Variants in FOXP1 observed in about 807,000 individuals in gnomAD.
The protein encoded by FOXP1 is forkhead box protein P1.
Under a neutral mutation model 98.2 loss-of-function variants are expected in FOXP1, and 15 were observed. The ratio of observed to expected loss-of-function variants is 0.15; its 90% confidence interval spans 0.10 to 0.24. FOXP1 has a LOEUF of 0.24. FOXP1 is among the 10% of genes least tolerant of loss of function. The pLI is 1.00. For missense variants in FOXP1, 633 were observed against 848.5 expected (o/e 0.75, Z 3.15); for synonymous variants, 371 against 314.5 (o/e 1.18, Z -1.90).
chr3:71,038,661 C>CTT (rs768412342), intron 11 of FOXP1, among the ~76,000 whole-genome samples: 7 of 140,710 alleles, frequency 5.0e-5, no homozygotes, highest in Middle Eastern at 3.8e-3. Flanking sequence ...CTAATCATTG[C>CTT]TTTTTTTTTT....
At chr3:71,449,417 G>A (rs2086736202) in intron 3 of FOXP1, among the ~76,000 whole-genome samples, 1 of 152,148 alleles carries the variant, frequency 6.6e-6, no homozygotes, top group Non-Finnish European at 1.5e-5. Flanking sequence ...GTGTGTGTGT[G>A]GCAGTAACCT....
intron 3 of FOXP1, among the ~76,000 whole-genome samples, chr3:71,439,823 G>A (rs2085736870): frequency 6.6e-6 from 1 of 152,050 alleles, no homozygotes; most frequent in Non-Finnish European, 1.5e-5. Flanking sequence ...GTGCACGCCT[G>A]TAATCCCAGC....
At chr3:71,346,299 A>G (rs1300435337) in intron 4 of FOXP1, among the ~76,000 whole-genome samples, 2 of 152,210 alleles carry the variant, frequency 1.3e-5, no homozygotes, top group Non-Finnish European at 2.9e-5. Context: ...AGGTTGTGTG[A>G]CTGGAGCCAT....
intron 5 of FOXP1, among the ~76,000 whole-genome samples, chr3:71,246,888 T>C (rs1480701351): frequency 6.6e-6 from 1 of 152,218 alleles, no homozygotes; most frequent in Admixed American, 6.5e-5. Context: ...TACGCTCAAA[T>C]AAATTAGCCA....
At chr3:71,261,889 T>C (rs1256248160) in intron 5 of FOXP1, among the ~76,000 whole-genome samples, 1 of 152,196 alleles carries the variant, frequency 6.6e-6, no homozygotes, top group African/African-American at 2.4e-5. Flanking sequence ...CTTGGAAATA[T>C]ACTTTTGGAA....
rs71104433 is a variant in FOXP1 at position 71,262,264 on chromosome 3, C to CAAAAAAA, written c.-12+37549_-12+37555dup. 1.3e-3 allele frequency among the ~76,000 whole-genome samples: 34 copies of CAAAAAAA among 25,718 alleles called. 2 individuals are homozygous for CAAAAAAA. The highest frequency in any genetic ancestry group is 3.1e-3 in the African/African-American group (23 of 7,426). 16.9% of individuals were successfully genotyped at this position (25,718 alleles called of 152,430 possible). A position where few individuals can be genotyped will look rare whatever the true frequency, so the allele number is the denominator to read the frequency against. ...CTGGCAACAGGACAAGACTCTGTCA[C>CAAAAAAA]AAAAAAAAAAAAAAAAAAAAAAAAA... On this transcript the variant is annotated intron_variant, in intron 5 of 20. Coordinates refer to ENST00000649528, the MANE Select transcript of FOXP1 (RefSeq NM_001349338.3).
rs1399900600 is a variant in FOXP1, at chr3:71,106,823, G to C, written c.282+5713C>G. ...GGATCTTGCTCTGTTTCCCAGGCTG[G>C]AATGCGGTGGCACCATCATGGCTCA... On this transcript the variant is annotated intron_variant, in intron 7 of 20. Transcript: ENST00000649528. Among the ~76,000 whole-genome samples, 8 of 149,578 alleles carry C rather than the reference G, an allele frequency of 5.3e-5. No homozygotes were observed. In the Admixed American group the frequency reaches 5.4e-4, roughly 10 times the overall value.
intron 7 of FOXP1, among the ~76,000 whole-genome samples, chr3:71,090,413 A>G (rs934535569): frequency 3.3e-5 from 5 of 152,184 alleles, no homozygotes; most frequent in Admixed American, 1.3e-4. Flanking sequence ...TGCAGGTGTG[A>G]GGAGAACCAC....
At chr3:71,169,216 C>A (rs1432411929) in intron 6 of FOXP1, among the ~76,000 whole-genome samples, 1 of 152,166 alleles carries the variant, frequency 6.6e-6, no homozygotes. Context: ...GTCAGCTGCA[C>A]TCTTGCTAAC....
chr3:71,488,862 G>C (rs1186978931), intron 3 of FOXP1, among the ~76,000 whole-genome samples: 1 of 152,202 alleles, frequency 6.6e-6, no homozygotes, highest in Non-Finnish European at 1.5e-5. Flanking sequence ...ATTGTGTTAT[G>C]AAAGAGACCA....
intron 3 of FOXP1, among the ~76,000 whole-genome samples, chr3:71,383,633 G>GA (rs2080345705): frequency 6.6e-6 from 1 of 151,950 alleles, no homozygotes. Flanking sequence ...AGTGGAGGGA[G>GA]AAAAAGCAGG....
intron 5 of FOXP1, among the ~76,000 whole-genome samples, chr3:71,215,271 G>A (rs1038257257): frequency 3.9e-5 from 6 of 152,136 alleles, no homozygotes; most frequent in Non-Finnish European, 8.8e-5. Context: ...GTCCTTCTAA[G>A]CAATATTTAT....
chr3:71,471,404 G>A (rs2089333667), intron 3 of FOXP1, among the ~76,000 whole-genome samples: 1 of 151,898 alleles, frequency 6.6e-6, no homozygotes, highest in African/African-American at 2.4e-5. Flanking sequence ...TTTGTCAATG[G>A]GAATATTAGG....
chr3:71,016,994 AT>A (rs2044592463), intron 11 of FOXP1, among the ~76,000 whole-genome samples: 1 of 152,118 alleles, frequency 6.6e-6, no homozygotes, highest in Non-Finnish European at 1.5e-5. Context: ...ACCACAGAAA[AT>A]AGGTCTTAGA....
rs1372445511 is a variant in FOXP1 at position 71,396,955 on chromosome 3, T to C, written c.-167-37711A>G. 9.1e-4 allele frequency among the ~76,000 whole-genome samples: 47 copies of C among 51,912 alleles called. 2 individuals carry two copies. Among genetic ancestry groups the C allele is most frequent in the African/African-American group, 3.5e-3 (44 of 12,696 alleles). 34.1% of individuals were successfully genotyped at this position (51,912 alleles called of 152,430 possible). On this transcript the variant is annotated intron_variant, in intron 3 of 20. Coordinates refer to ENST00000649528, the MANE Select transcript of FOXP1 (RefSeq NM_001349338.3). ...ATATACACATATATATATGTGTATA[T>C]ATATATATGTGTGTATATATATATA...
In FOXP1 at chr3:71,339,015, CT is replaced by C. The variant is rs1418827057; in HGVS notation, c.-73+20134del. Among the ~76,000 whole-genome samples the C allele has an allele frequency of 7.9e-5, 12 of 152,318 alleles. No individual in the cohort carries two copies. The East Asian group carries it at 2.1e-3, about 27-fold the overall frequency. On this transcript the variant is annotated intron_variant, in intron 4 of 20. Coordinates refer to ENST00000649528, the MANE Select transcript of FOXP1 (RefSeq NM_001349338.3). ...CACTAACAGGGTCTAATTTCTCCCC[CT>C]ATTCCATATCTGAGCCTTCTGATCT...
chr3:71,245,998 A>AC lies in FOXP1; in HGVS notation c.-11-47607dup, dbSNP rs55660633. 8.5e-3 allele frequency among the ~76,000 whole-genome samples: 1,121 copies of AC among 132,056 alleles called. 8 individuals are homozygous for AC. The highest frequency in any genetic ancestry group is 0.025 in the East Asian group (112 of 4,516). The allele number at this position is 132,056 out of a possible 152,430, so 86.6% of individuals were successfully genotyped here. On this transcript the variant is annotated intron_variant, in intron 5 of 20. Coordinates refer to ENST00000649528, the MANE Select transcript of FOXP1 (RefSeq NM_001349338.3). The stretch of plus-strand genomic sequence containing the variant: ...GCCATGATCACTTAGTACGAAAACC[A>AC]CCCCCCCCCCACCACAAAGCAGTGA...
At chr3:71,318,129 A>T (rs1278618682) in intron 4 of FOXP1, among the ~76,000 whole-genome samples, 4 of 151,020 alleles carry the variant, frequency 2.6e-5, no homozygotes, top group Non-Finnish European at 5.9e-5. Context: ...AACAAAATGA[A>T]TTACAAATAA....
chr3:71,157,465 C>T (rs1044147790), intron 6 of FOXP1, among the ~76,000 whole-genome samples: 3 of 152,106 alleles, frequency 2.0e-5, no homozygotes, highest in African/African-American at 7.2e-5. Context: ...ACCTGCCCCA[C>T]AAAAAGGTGA....
Sources: gnomAD v4.1 joint callset for allele counts (sites outside exome capture counted in the v4.1 genomes callset) on GRCh38, gnomAD v4.1.1 for gene constraint, MANE v1.5 for transcripts, NCBI Gene and HGNC (gene_info 2026-07-23, HGNC 2026-07-21) for gene names.